Variants in OGG1 observed in about 807,000 individuals in gnomAD.
OGG1 encodes the protein 8-oxoguanine DNA glycosylase, also known as N-glycosylase/DNA lyase.
Under a neutral mutation model 42.3 loss-of-function variants are expected in OGG1, and 35 were observed. The observed-to-expected ratio is 0.83, with a 90% CI of 0.63 to 1.10. The LOEUF (loss-of-function observed/expected upper bound fraction) is 1.10, where lower values mean the gene tolerates loss of function less well. Ranked by LOEUF, OGG1 falls within the 50% of genes least tolerant of loss-of-function variation. OGG1 has a pLI of 0.00. For synonymous variants in OGG1, 189 were observed against 179.0 expected, an observed-to-expected ratio of 1.06 and a Z score of -0.44; for missense variants, 484 against 446.7, an observed-to-expected ratio of 1.08 and a Z score of -0.75.
At chr3:9,754,908 C>T in intron 4 of OGG1, 23 bp downstream of exon 4, 1 of 1,559,038 alleles carries the variant, frequency 6.4e-7, no homozygotes, top group Non-Finnish European at 8.7e-7. Flanking sequence ...GGGGTAGGAG[C>T]TGCCCTCTCT....
intron 2 of OGG1, among the ~76,000 whole-genome samples, chr3:9,774,426 A>C (rs1440088174): frequency 7.1e-6 from 1 of 141,362 alleles, no homozygotes; most frequent in African/African-American, 2.5e-5. Context: ...AAAAAAAAAA[A>C]AACAAAACTT....
At chr3:9,786,312 G>C (rs9855611) in intron 3 of OGG1, among the ~76,000 whole-genome samples, 1 of 152,120 alleles carries the variant, frequency 6.6e-6, no homozygotes, top group Non-Finnish European at 1.5e-5. Flanking sequence ...CAAGGCCACC[G>C]TCAGCTGGGG....
At chr3:9,752,223 T>C in intron 3 of OGG1, 1 of 509,180 alleles carries the variant, frequency 2.0e-6, no homozygotes, top group Non-Finnish European at 3.6e-6. Flanking sequence ...GTTAAGAGCA[T>C]GCATTCTGGG....
intron 3 of OGG1, among the ~76,000 whole-genome samples, chr3:9,752,516 C>T (rs3219003): frequency 0.015 from 1,808 of 120,870 alleles, 20 homozygotes; most frequent in Middle Eastern, 0.039. Context: ...GGCAACAGAG[C>T]GAGACTCTGT....
intron 3 of OGG1, among the ~76,000 whole-genome samples, chr3:9,782,868 G>C (rs1349562044): frequency 1.3e-5 from 2 of 151,466 alleles, no homozygotes; most frequent in Non-Finnish European, 2.9e-5. Flanking sequence ...CACAGCACTT[G>C]TCTGTGAGAA....
chr3:9,757,567 A>C (rs1158899575), downstream of OGG1: 3 of 1,614,082 alleles, frequency 1.9e-6, no homozygotes, highest in Admixed American at 3.3e-5. The surrounding 1 kb of genome is among the most constrained non-coding windows in gnomAD (Gnocchi z 4.5). Context: ...TGTGGGGGAC[A>C]GTTCTGTGCC....
intron 3 of OGG1, chr3:9,783,262 T>A (rs1160340903): frequency 6.6e-6 from 1 of 151,402 alleles, no homozygotes; most frequent in Non-Finnish European, 1.5e-5. Flanking sequence ...CACAACAATG[T>A]GAATATGGGT....
Position 9,754,777 on chromosome 3 carries a change from A to G in OGG1, c.639A>G (p.Arg213=). ...YRARYVSASA[R]AILEEQGGLA... is the part of the protein sequence containing the mutation. ...CCCGTTACGTGAGTGCCAGTGCCCG[A>G]GCCATCCTGGAAGAACAGGGCGGGC... is the stretch of plus-strand genomic sequence containing the variant. The change falls in exon 4 of 7, where the codon CGA becomes CGG. Residue 213 remains arginine, a synonymous_variant. Transcript: ENST00000344629. 1 of 1,614,018 alleles carries G rather than the reference A, an allele frequency of 6.2e-7. No homozygotes were observed. Among genetic ancestry groups the G allele is most frequent in the Non-Finnish European group, 8.5e-7 (1 of 1,179,980 alleles).
downstream of OGG1, among the ~76,000 whole-genome samples, chr3:9,789,083 G>A (rs955377602): frequency 1.6e-4 from 24 of 152,116 alleles, no homozygotes; most frequent in Non-Finnish European, 8.8e-5. Context: ...CAATCTGCCC[G>A]CCCCGGCCTC....
exon 8 of OGG1, chr3:9,766,294 C>T: frequency 1.4e-6 from 1 of 700,470 alleles, no homozygotes. Context: ...TTATGTGGCC[C>T]TCTGGATCCA....
At chr3:9,787,116 G>T in intron 3 of OGG1, 1 of 1,614,160 alleles carries the variant, frequency 6.2e-7, no homozygotes, top group East Asian at 2.2e-5. Flanking sequence ...ACATCTAAGC[G>T]GGCACAGGAA....
chr3:9,782,739 C>T (rs1223009407), intron 3 of OGG1, among the ~76,000 whole-genome samples: 1 of 146,920 alleles, frequency 6.8e-6, no homozygotes, highest in African/African-American at 2.5e-5. Context: ...TGCAGTGAGC[C>T]GAGATCATGG....
At chr3:9,766,637 C>T (rs780563313) in exon 8 of OGG1, 81 of 1,050,878 alleles carry the variant, frequency 7.7e-5, no homozygotes, top group Non-Finnish European at 9.3e-5. Flanking sequence ...AACAAATAAA[C>T]TCATTTAACT....
chr3:9,754,131 C>A (rs2077431388), intron 3 of OGG1, among the ~76,000 whole-genome samples: 1 of 152,106 alleles, frequency 6.6e-6, no homozygotes, highest in African/African-American at 2.4e-5. Flanking sequence ...CAGAGCAAGA[C>A]CCTGTGTCAA....
At chr3:9,751,979 C>T in intron 3 of OGG1, 30 bp downstream of exon 3, 2 of 1,600,234 alleles carry the variant, frequency 1.2e-6, no homozygotes, top group Non-Finnish European at 1.7e-6. Context: ...GCCCCCAGGC[C>T]TTCCATCAGC....
chr3:9,786,999 T>C, intron 3 of OGG1: 1 of 1,613,070 alleles, frequency 6.2e-7, no homozygotes, highest in Non-Finnish European at 8.5e-7. Flanking sequence ...TGGGTTAGGC[T>C]GCTCACCTCC....
chr3:9,766,527 A>T, exon 8 of OGG1: 2 of 462,956 alleles, frequency 4.3e-6, no homozygotes, highest in Non-Finnish European at 6.9e-6. Flanking sequence ...GCCCTGCCCC[A>T]GATTTACTAA....
chr3:9,763,407 A>AC, intron 7 of OGG1: 2 of 188,998 alleles, frequency 1.1e-5, no homozygotes, highest in East Asian at 3.8e-4. Context: ...CTGTCTCAAA[A>AC]AAAAAAAAAA....
intron 3 of OGG1, among the ~76,000 whole-genome samples, chr3:9,785,598 A>C (rs1329891216): frequency 6.6e-6 from 1 of 152,216 alleles, no homozygotes; most frequent in Non-Finnish European, 1.5e-5. Flanking sequence ...CATTCTAGAA[A>C]TCCCTTTTAT....
Sources: allele counts gnomAD v4.1 joint callset (sites outside exome capture counted in the v4.1 genomes callset), GRCh38; gene constraint gnomAD v4.1.1; non-coding constraint Gnocchi (gnomAD v3.1); transcripts MANE v1.5; gene names NCBI Gene and HGNC (gene_info 2026-07-23, HGNC 2026-07-21).